The following GALNT17 variants were observed in gnomAD, a reference collection of about 807,000 sequenced individuals.
GALNT17 encodes polypeptide N-acetylgalactosaminyltransferase 17, also known as UDP-GalNAc:polypeptide N-acetylgalactosaminyltransferase-like 3.
Under a neutral mutation model 63.7 loss-of-function variants are expected in GALNT17, and 29 were observed. That is an observed-to-expected ratio of 0.46 (90% CI 0.34 to 0.62). The LOEUF (loss-of-function observed/expected upper bound fraction) is 0.62. Among genes scored for constraint, GALNT17 ranks in the 20% least tolerant of loss-of-function variants. GALNT17 has a pLI of 0.01. For synonymous variants in GALNT17, 305 were observed against 318.3 expected (o/e 0.96, Z 0.45); for missense variants, 603 against 799.6 (o/e 0.75, Z 2.97).
At chr7:71,529,289 A>C (rs754955811) in intron 5 of GALNT17, among the ~76,000 whole-genome samples, 8 of 149,704 alleles carry the variant, frequency 5.3e-5, no homozygotes, top group Non-Finnish European at 1.2e-4. Flanking sequence ...TTACAACTCC[A>C]ATATCTTCAA....
chr7:71,612,945 C>T (rs909056370), intron 6 of GALNT17, among the ~76,000 whole-genome samples: 1 of 152,140 alleles, frequency 6.6e-6, no homozygotes, highest in Non-Finnish European at 1.5e-5. Flanking sequence ...AGCCAAGATA[C>T]CAGGTACAAA....
chr7:71,512,937 C>CT (rs1235874634), intron 5 of GALNT17, among the ~76,000 whole-genome samples: 2 of 152,296 alleles, frequency 1.3e-5, no homozygotes, highest in African/African-American at 4.8e-5. Flanking sequence ...TTTTTGAGCA[C>CT]TGAAATTTCT....
chr7:71,598,266 A>G (rs1789917329), intron 6 of GALNT17, among the ~76,000 whole-genome samples: 1 of 152,168 alleles, frequency 6.6e-6, no homozygotes, highest in South Asian at 2.1e-4. Context: ...TTATTATGAT[A>G]GTAGAAGTCA....
intron 9 of GALNT17, among the ~76,000 whole-genome samples, chr7:71,688,012 G>A (rs911013481): frequency 6.6e-6 from 1 of 152,106 alleles, no homozygotes; most frequent in African/African-American, 2.4e-5. Context: ...TACTTTTGAT[G>A]CTGAGAAAAC....
At chr7:71,496,772 C>T (rs147383930) in intron 5 of GALNT17, among the ~76,000 whole-genome samples, 10 of 142,594 alleles carry the variant, frequency 7.0e-5, no homozygotes, top group East Asian at 2.5e-4. Flanking sequence ...TGACCTGGGC[C>T]GGATGGGGTG....
At position 71,548,948 on chromosome 7, in the gene GALNT17, G is replaced by GAGCCAGGA. The variant is rs1358237566; in HGVS notation, c.963-22329_963-22322dup. On this transcript the variant is annotated intron_variant, in intron 5 of 10. Transcript: ENST00000333538. The stretch of plus-strand genomic sequence containing the variant: ...GACTGCACTTGTGGTTTACGTCACT[G>GAGCCAGGA]AGCCAGGAAGCCAGGGAGTGGGGTG... 3.9e-5 allele frequency among the ~76,000 whole-genome samples: 6 copies of GAGCCAGGA among 152,180 alleles called. No homozygotes were observed. In the East Asian group the frequency reaches 1.2e-3, roughly 29 times the overall value.
intron 5 of GALNT17, among the ~76,000 whole-genome samples, chr7:71,570,221 C>T (rs922396164): frequency 2.0e-5 from 3 of 152,064 alleles, no homozygotes; most frequent in Non-Finnish European, 4.4e-5. Context: ...TCCTTTGTCC[C>T]GACTTCATGG....
At chr7:71,323,703 T>C (rs1314400165) in intron 1 of GALNT17, among the ~76,000 whole-genome samples, 1 of 152,134 alleles carries the variant, frequency 6.6e-6, no homozygotes, top group Non-Finnish European at 1.5e-5. Context: ...CACCAGGAGA[T>C]TTCTGTATGC....
intron 5 of GALNT17, among the ~76,000 whole-genome samples, chr7:71,545,524 A>G (rs1284317205): frequency 5.3e-5 from 8 of 151,820 alleles, no homozygotes; most frequent in African/African-American, 1.5e-4. Flanking sequence ...GCTAATTTTT[A>G]TATTTTTAGT....
chr7:71,710,693 C>A, intron 9 of GALNT17, 68 bp from the exon 10 acceptor site: 1 of 1,570,544 alleles, frequency 6.4e-7, no homozygotes, highest in Non-Finnish European at 8.7e-7. Flanking sequence ...AGACCTGAGC[C>A]CTGCTTCCTC....
intron 1 of GALNT17, among the ~76,000 whole-genome samples, chr7:71,139,139 T>C (rs74702364): frequency 0.014 from 2,070 of 152,308 alleles, 43 homozygotes; most frequent in Middle Eastern, 0.041. Flanking sequence ...GAAACAGAGA[T>C]ACTATGTGAC....
At chr7:71,692,872 G>A (rs1238006553) in intron 9 of GALNT17, among the ~76,000 whole-genome samples, 1 of 151,604 alleles carries the variant, frequency 6.6e-6, no homozygotes, top group Non-Finnish European at 1.5e-5. Flanking sequence ...CAGAGTAACT[G>A]GGATTACAGG....
chr7:71,536,005 T>C (rs879661534), intron 5 of GALNT17, among the ~76,000 whole-genome samples: 1 of 152,210 alleles, frequency 6.6e-6, no homozygotes, highest in Non-Finnish European at 1.5e-5. Flanking sequence ...TATCAGAGCT[T>C]GTTTAGTAAT....
intron 1 of GALNT17, among the ~76,000 whole-genome samples, chr7:71,255,164 C>T (rs1011939545): frequency 5.3e-5 from 8 of 152,210 alleles, no homozygotes; most frequent in Non-Finnish European, 8.8e-5. Context: ...TCTGTCCCCA[C>T]CCAAATCTCA....
chr7:71,396,321 C>A (rs1395971617), intron 3 of GALNT17, among the ~76,000 whole-genome samples: 1 of 152,068 alleles, frequency 6.6e-6, no homozygotes, highest in Non-Finnish European at 1.5e-5. Flanking sequence ...CAAATTCTTT[C>A]TATTTTTCTT....
At chr7:71,145,004 A>AG (rs1376081137) in intron 1 of GALNT17, among the ~76,000 whole-genome samples, 1 of 152,146 alleles carries the variant, frequency 6.6e-6, no homozygotes, top group Non-Finnish European at 1.5e-5. Flanking sequence ...CTGGGAATAC[A>AG]GGTGTGAGCC....
intron 1 of GALNT17, among the ~76,000 whole-genome samples, chr7:71,204,902 T>C (rs879472515): frequency 3.3e-5 from 5 of 151,944 alleles, no homozygotes; most frequent in Non-Finnish European, 5.9e-5. Flanking sequence ...CCTGCCACCA[T>C]GCCTGGTAAA....
At chr7:71,432,845 C>T (rs554101637) in intron 5 of GALNT17, among the ~76,000 whole-genome samples, 1 of 152,204 alleles carries the variant, frequency 6.6e-6, no homozygotes, top group Admixed American at 6.5e-5. Context: ...AGTCTCACTC[C>T]ATCACCCAGG....
At chr7:71,566,620 A>T (rs1425281286) in intron 5 of GALNT17, among the ~76,000 whole-genome samples, 3 of 151,520 alleles carry the variant, frequency 2.0e-5, no homozygotes, top group African/African-American at 7.3e-5. Flanking sequence ...CTCTTCCAGA[A>T]GGAATCTTCC....
Sources: gnomAD v4.1 joint callset for allele counts (sites outside exome capture counted in the v4.1 genomes callset) on GRCh38, gnomAD v4.1.1 for gene constraint, MANE v1.5 for transcripts, NCBI Gene and HGNC (gene_info 2026-07-23, HGNC 2026-07-21) for gene names.